ASTN1: variants seen among roughly 807,000 people sequenced by gnomAD.
The protein encoded by ASTN1 is astrotactin-1.
ASTN1 carries 41 observed loss-of-function variants against 140.7 expected under a neutral mutation model. The ratio of observed to expected loss-of-function variants is 0.29; its 90% confidence interval spans 0.23 to 0.38. The LOEUF (loss-of-function observed/expected upper bound fraction) is 0.38, where lower values mean the gene tolerates loss of function less well. Ranked by LOEUF, ASTN1 falls within the 10% of genes least tolerant of loss-of-function variation. ASTN1 has a pLI of 1.00. For missense variants in ASTN1, 1,479 were observed against 1,678.8 expected (o/e 0.88, Z 2.08); for synonymous variants, 640 against 652.2 (o/e 0.98, Z 0.29).
intron 16 of ASTN1, among the ~76,000 whole-genome samples, chr1:176,932,269 G>A (rs753201540): frequency 6.6e-6 from 1 of 152,298 alleles, no homozygotes; most frequent in South Asian, 2.1e-4. Context: ...TGTCACAGAA[G>A]GTATAGCCCT....
chr1:176,878,726 C>T lies in ASTN1; in HGVS notation c.3363-2089G>A, dbSNP rs1417718217. 2.6e-5 allele frequency among the ~76,000 whole-genome samples: 4 copies of T among 152,222 alleles called. 1 individual carries two copies. The East Asian group carries it at 7.8e-4, about 30-fold the overall frequency. The stretch of plus-strand genomic sequence containing the variant: ...CTGCTCTAGACCATCTTGACCTTCC[C>T]TTTCAAGAAGGCGCCCAAAGGTACC... On this transcript the variant is annotated intron_variant, in intron 20 of 22. Coordinates refer to ENST00000361833, the MANE Select transcript of ASTN1 (RefSeq NM_004319.3).
At chr1:176,876,396 C>G in intron 21 of ASTN1, 141 bp downstream of exon 21, 1 of 824,960 alleles carries the variant, frequency 1.2e-6, no homozygotes, top group Non-Finnish European at 2.0e-6. Flanking sequence ...AGGCAACGCT[C>G]CTGTACTGGG....
intron 2 of ASTN1, among the ~76,000 whole-genome samples, chr1:177,033,128 T>A (rs983246526): frequency 5.7e-5 from 8 of 141,264 alleles, no homozygotes; most frequent in African/African-American, 2.4e-4. Flanking sequence ...CAAGTCTGTG[T>A]GTGTGTGTGT....
chr1:177,124,160 A>T (rs1429763064), intron 1 of ASTN1, among the ~76,000 whole-genome samples: 1 of 152,226 alleles, frequency 6.6e-6, no homozygotes, highest in Non-Finnish European at 1.5e-5. Flanking sequence ...TCTTTTCCCC[A>T]CTAGGATGAG....
At chr1:176,998,734 G>A (rs1324048347) in intron 8 of ASTN1, among the ~76,000 whole-genome samples, 1 of 152,210 alleles carries the variant, frequency 6.6e-6, no homozygotes, top group Non-Finnish European at 1.5e-5. Flanking sequence ...ATGTGAGAGG[G>A]AGAGCAAGAC....
chr1:176,859,029 G>T (rs983089263), downstream of ASTN1, among the ~76,000 whole-genome samples: 1 of 152,242 alleles, frequency 6.6e-6, no homozygotes, highest in African/African-American at 2.4e-5. Context: ...ATATTATGCA[G>T]TTCAAGTGTT....
intron 8 of ASTN1, among the ~76,000 whole-genome samples, chr1:176,980,081 G>A (rs1372150037): frequency 6.6e-6 from 1 of 152,168 alleles, no homozygotes; most frequent in African/African-American, 2.4e-5. Flanking sequence ...ATAAGGGATA[G>A]AGGATGTGTA....
At chr1:177,066,823 G>A (rs1300029151) in intron 1 of ASTN1, among the ~76,000 whole-genome samples, 1 of 152,146 alleles carries the variant, frequency 6.6e-6, no homozygotes, top group African/African-American at 2.4e-5. Context: ...TTGGTATTCT[G>A]GGACCCTTTC....
intron 8 of ASTN1, among the ~76,000 whole-genome samples, chr1:176,980,851 C>T (rs935419237): frequency 1.3e-5 from 2 of 151,996 alleles, no homozygotes; most frequent in East Asian, 1.9e-4. Context: ...AACATGTATG[C>T]TTCTCCTTTC....
At chr1:177,116,954 T>C (rs1201948538) in intron 1 of ASTN1, among the ~76,000 whole-genome samples, 1 of 152,124 alleles carries the variant, frequency 6.6e-6, no homozygotes, top group Non-Finnish European at 1.5e-5. Context: ...CTGCAATTAT[T>C]ACCTCTATCC....
At chr1:176,980,693 G>A (rs1406728095) in intron 8 of ASTN1, among the ~76,000 whole-genome samples, 1 of 152,134 alleles carries the variant, frequency 6.6e-6, no homozygotes, top group Non-Finnish European at 1.5e-5. Context: ...ATGGAATGGG[G>A]CAAGGAGAAG....
chr1:177,075,848 C>T (rs984495753), intron 1 of ASTN1, among the ~76,000 whole-genome samples: 1 of 151,702 alleles, frequency 6.6e-6, no homozygotes, highest in Non-Finnish European at 1.5e-5. Flanking sequence ...TGCTATGTTG[C>T]CCAGACTGGT....
At chr1:176,858,207 A>G (rs914492273), downstream of ASTN1, among the ~76,000 whole-genome samples, 1 of 152,206 alleles carries the variant, frequency 6.6e-6, no homozygotes, top group African/African-American at 2.4e-5. Context: ...CTACCAGAAC[A>G]AAGAGTTTTA....
intron 2 of ASTN1, among the ~76,000 whole-genome samples, chr1:177,050,220 T>TCATAAGCATC (rs1677470310): frequency 6.6e-6 from 1 of 152,146 alleles, no homozygotes; most frequent in East Asian, 1.9e-4. Flanking sequence ...TTGAATCCTT[T>TCATAAGCATC]CATAAGCATC....
At chr1:177,109,504 G>A (rs904260974) in intron 1 of ASTN1, among the ~76,000 whole-genome samples, 14 of 152,038 alleles carry the variant, frequency 9.2e-5, no homozygotes, top group Non-Finnish European at 1.3e-4. Flanking sequence ...TTCCATTGCC[G>A]TATTGGATAT....
chr1:176,863,117 C>A lies in ASTN1; in HGVS notation c.*1167G>T. On this transcript the variant is annotated 3_prime_UTR_variant, in exon 23 of 23. Transcript: ENST00000361833. The stretch of plus-strand genomic sequence containing the variant: ...GAAACAACACTCTAGATGTTAACTG[C>A]AATCAGTGGTGCTTCCCTACACAGA... 1.0e-6 allele frequency: 1 copy of A among 985,812 alleles called. No individual in the cohort carries two copies. Among genetic ancestry groups the A allele is most frequent in the African/African-American group, 1.7e-5 (1 of 57,354 alleles). The allele number at this position is 985,812 out of a possible 1,614,324, so 61.1% of individuals were successfully genotyped here. A position where few individuals can be genotyped will look rare whatever the true frequency, so the allele number is the denominator to read the frequency against.
At chr1:176,880,737 G>T (rs1398168503) in intron 20 of ASTN1, among the ~76,000 whole-genome samples, 3 of 152,086 alleles carry the variant, frequency 2.0e-5, no homozygotes, top group Non-Finnish European at 4.4e-5. Flanking sequence ...AGGTAATGAG[G>T]TCATGCTCTG....
intron 16 of ASTN1, among the ~76,000 whole-genome samples, chr1:176,924,021 C>T (rs1055114118): frequency 1.3e-5 from 2 of 152,106 alleles, no homozygotes; most frequent in African/African-American, 2.4e-5. Context: ...TACTATTTAG[C>T]CTCTAGCCAT....
At chr1:177,118,329 T>C (rs1172376676) in intron 1 of ASTN1, among the ~76,000 whole-genome samples, 1 of 152,210 alleles carries the variant, frequency 6.6e-6, no homozygotes, top group African/African-American at 2.4e-5. Context: ...TGACAGGTGT[T>C]ATTTTTCAAT....
Sources: gnomAD v4.1 joint callset for allele counts (sites outside exome capture counted in the v4.1 genomes callset) on GRCh38, gnomAD v4.1.1 for gene constraint, MANE v1.5 for transcripts, NCBI Gene and HGNC (gene_info 2026-07-23, HGNC 2026-07-21) for gene names.